FAM13B: variants seen among roughly 807,000 people sequenced by gnomAD.
FAM13B encodes family with sequence similarity 13 member B.
FAM13B carries 60 observed loss-of-function variants against 117.3 expected under a neutral mutation model. The ratio of observed to expected loss-of-function variants is 0.51; its 90% CI spans 0.42 to 0.63. The LOEUF (loss-of-function observed/expected upper bound fraction) is 0.63. Among genes scored for constraint, FAM13B ranks in the 30% least tolerant of loss-of-function variants. FAM13B has a pLI of 0.00. For synonymous variants in FAM13B, 332 were observed against 356.1 expected (o/e 0.93, Z 0.76); for missense variants, 972 against 1,091.9 (o/e 0.89, Z 1.55).
chr5:138,038,654 A>C (rs1180048156), intron 1 of FAM13B: 1 of 152,214 alleles, frequency 6.6e-6, no homozygotes. Flanking sequence ...GCCAGTGTGC[A>C]AGAATGTGTG....
chr5:137,959,955 C>A (rs1767685389), intron 12 of FAM13B, among the ~76,000 whole-genome samples, 192 bp from the exon 13 acceptor site: 1 of 152,150 alleles, frequency 6.6e-6, no homozygotes, highest in Admixed American at 6.6e-5. Context: ...TATTGGAAGA[C>A]AAGTTTGGAT....
chr5:137,989,976 T>C (rs1447989069), intron 7 of FAM13B, among the ~76,000 whole-genome samples: 1 of 152,208 alleles, frequency 6.6e-6, no homozygotes, highest in Non-Finnish European at 1.5e-5. Context: ...AGCTAAAAGT[T>C]AAATATTTAT....
intron 22 of FAM13B, 159 bp downstream of exon 22, chr5:137,942,716 G>T: frequency 1.7e-6 from 1 of 597,806 alleles, no homozygotes; most frequent in South Asian, 3.0e-5. Context: ...AAATGGGAAT[G>T]ACAATAAATA....
chr5:138,044,868 C>T (rs1581333075), intron 1 of FAM13B, among the ~76,000 whole-genome samples: 1 of 152,258 alleles, frequency 6.6e-6, no homozygotes, highest in Non-Finnish European at 1.5e-5. Context: ...AAATGGCCAA[C>T]ACATGTATGA....
intron 10 of FAM13B, among the ~76,000 whole-genome samples, chr5:137,972,352 A>C (rs1772459357): frequency 6.6e-6 from 1 of 152,152 alleles, no homozygotes; most frequent in African/African-American, 2.4e-5. Flanking sequence ...ACAGAACCAA[A>C]GACAAAAACC....
At chr5:138,021,266 C>T (rs1278770924) in intron 1 of FAM13B, 69 bp from the exon 2 acceptor site, 3 of 1,111,040 alleles carry the variant, frequency 2.7e-6, no homozygotes, top group East Asian at 6.4e-5. Flanking sequence ...TTAATAGAAG[C>T]AGCAGTACAG....
intron 23 of FAM13B, among the ~76,000 whole-genome samples, chr5:137,941,004 C>G (rs1056496984): frequency 6.6e-6 from 1 of 152,184 alleles, no homozygotes; most frequent in Non-Finnish European, 1.5e-5. Flanking sequence ...CTCCCGGATT[C>G]ACGCCATTCT....
At chr5:137,968,438 C>T (rs79978739) in intron 10 of FAM13B, among the ~76,000 whole-genome samples, 1 of 57,952 alleles carries the variant, frequency 1.7e-5, no homozygotes, top group Non-Finnish European at 3.6e-5. Context: ...GACTCTGTCT[C>T]AAAAAAAAAA....
rs552534887 is a variant in FAM13B at position 137,946,541 on chromosome 5, C to T, written c.2161-230G>A. The T allele has an allele frequency of 1.9e-4, 81 of 433,758 alleles. 1 individual carries two copies. Among genetic ancestry groups the T allele is most frequent in the Non-Finnish European group, 2.3e-4 (57 of 248,950 alleles). 26.9% of individuals were successfully genotyped at this position (433,758 alleles called of 1,614,324 possible). A position where few individuals can be genotyped will look rare whatever the true frequency, so the allele number is the denominator to read the frequency against. On this transcript the variant is annotated intron_variant, in intron 18 of 23. Transcript: ENST00000689681. ...AAGTAGGTACCAACCCCTTTGATGGCTTTACATTTTATCTGAATAGATTAT... is the reference window on the plus strand; with the variant it reads ...AAGTAGGTACCAACCCCTTTGATGGTTTTACATTTTATCTGAATAGATTAT...
At chr5:137,981,958 A>G (rs1036555117) in intron 10 of FAM13B, among the ~76,000 whole-genome samples, 2 of 152,184 alleles carry the variant, frequency 1.3e-5, no homozygotes, top group Admixed American at 6.5e-5. Context: ...AGCTAAGGAG[A>G]TATCCACAAA....
chr5:137,963,935 T>TCCA (rs1399914754), intron 10 of FAM13B, among the ~76,000 whole-genome samples: 1 of 152,190 alleles, frequency 6.6e-6, no homozygotes, highest in East Asian at 1.9e-4. Context: ...AAAACTGTTG[T>TCCA]CCACAAAACC....
chr5:137,953,187 T>C (rs148429392), intron 16 of FAM13B, 149 bp downstream of exon 16: 196 of 821,396 alleles, frequency 2.4e-4, no homozygotes, highest in Non-Finnish European at 3.3e-4. Context: ...CAAGGAGTTA[T>C]ATAATCTCAG....
rs1790520781 is a variant in FAM13B at position 138,032,823 on chromosome 5, C to T, written c.-244G>A. On this transcript the variant is annotated 5_prime_UTR_variant, in exon 1 of 24. Transcript: ENST00000689681. ...CCCCGTTCCCTGGCCGCGGCCGCTTCTCCAGGACCCGCGGCGACGGCAAGA... is the reference window on the plus strand; with the variant it reads ...CCCCGTTCCCTGGCCGCGGCCGCTTTTCCAGGACCCGCGGCGACGGCAAGA... 1.0e-6 allele frequency: 1 copy of T among 985,666 alleles called. No homozygotes were observed. Among genetic ancestry groups the T allele is most frequent in the South Asian group, 4.7e-5 (1 of 21,298 alleles). 61.1% of individuals were successfully genotyped at this position (985,666 alleles called of 1,614,324 possible). A position where few individuals can be genotyped will look rare whatever the true frequency, so the allele number is the denominator to read the frequency against.
At chr5:138,019,171 AAG>A in intron 2 of FAM13B, 25 bp from the exon 3 acceptor site, 3 of 1,585,506 alleles carry the variant, frequency 1.9e-6, no homozygotes, top group East Asian at 2.2e-5. Context: ...ACAAAAAAAA[AAG>A]ACTATAATGA....
chr5:137,983,919 G>T (rs997878430), intron 10 of FAM13B, among the ~76,000 whole-genome samples: 4 of 152,118 alleles, frequency 2.6e-5, no homozygotes, highest in African/African-American at 9.7e-5. Flanking sequence ...CCCTACTTTA[G>T]TGGATGGTTT....
At chr5:138,040,333 G>C (rs986159219) in intron 1 of FAM13B, among the ~76,000 whole-genome samples, 1 of 149,712 alleles carries the variant, frequency 6.7e-6, no homozygotes. Flanking sequence ...ACTTTGGGAG[G>C]CCGAGGCGGG....
In FAM13B at chr5:138,018,494, G is replaced by T; in HGVS notation, c.178C>A (p.Leu60Ile). The change falls in exon 4 of 24, where the codon CTT becomes ATT. Residue 60 changes from leucine (L) to isoleucine (I), a missense_variant. Physicochemically the swap from Leu to Ile is conservative, Grantham distance 5. Coordinates refer to ENST00000689681, the MANE Select transcript of FAM13B (RefSeq NM_001385994.1). ...TCAGCATTTCCATTGACTTGAAAAA[G>T]TCCTTGTTGCTCCAGACCTCCTACG... ...EEHGGLEQQG[L>I]FQVNGNAETV... is the part of the protein sequence containing the mutation. The T allele has an allele frequency of 1.2e-6, 2 of 1,614,072 alleles. No homozygotes were observed. The highest frequency in any genetic ancestry group is 1.7e-6 in the Non-Finnish European group (2 of 1,180,006).
At chr5:137,967,601 G>C (rs1256307382) in intron 10 of FAM13B, among the ~76,000 whole-genome samples, 2 of 152,062 alleles carry the variant, frequency 1.3e-5, no homozygotes, top group Non-Finnish European at 2.9e-5. Flanking sequence ...ACTGGAAACA[G>C]AAAAGACGAG....
chr5:138,004,304 C>CAATGAATCCTTCTAA (rs61387347), intron 7 of FAM13B, among the ~76,000 whole-genome samples: 148,876 of 151,836 alleles, frequency 0.98, 73,058 homozygotes, highest in Middle Eastern at 1. Context: ...ACTAAATCTC[C>CAATGAATCCTTCTAA]AATGACTGTG....
Sources: allele counts gnomAD v4.1 joint callset (sites outside exome capture counted in the v4.1 genomes callset), GRCh38; gene constraint gnomAD v4.1.1; transcripts MANE v1.5; gene names NCBI Gene and HGNC (gene_info 2026-07-23, HGNC 2026-07-21).